The following UBAC2 variants were observed in gnomAD, a reference collection of about 807,000 sequenced individuals.
UBAC2 encodes the protein ubiquitin-associated domain-containing protein 2.
Under a neutral mutation model 44.0 loss-of-function variants are expected in UBAC2, and 26 were observed. The ratio of observed to expected loss-of-function variants is 0.59; its 90% CI spans 0.43 to 0.82. The LOEUF is 0.82. Ranked by LOEUF, UBAC2 falls within the 40% of genes least tolerant of loss-of-function variation. The probability of loss-of-function intolerance (pLI) is 0.00; values close to 1 mark genes in which losing one functional copy is unlikely to be tolerated. For missense variants in UBAC2, 329 were observed against 419.4 expected (o/e 0.78, Z 1.88); for synonymous variants, 155 against 154.3 (o/e 1.00, Z -0.04).
At chr13:99,247,872 T>C (rs1226683469) in intron 4 of UBAC2, among the ~76,000 whole-genome samples, 2 of 96,144 alleles carry the variant, frequency 2.1e-5, no homozygotes, top group Non-Finnish European at 5.9e-5. Flanking sequence ...TCTCTCTCTC[T>C]CTTTTTTTTT....
intron 5 of UBAC2, among the ~76,000 whole-genome samples, chr13:99,317,222 T>A (rs939013914): frequency 6.6e-6 from 1 of 152,244 alleles, no homozygotes; most frequent in South Asian, 2.1e-4. Context: ...GAACCTGGGC[T>A]GTCCTGCCTG....
At chr13:99,357,531 T>C (rs1360433312) in intron 7 of UBAC2, among the ~76,000 whole-genome samples, 2 of 152,296 alleles carry the variant, frequency 1.3e-5, no homozygotes, top group Non-Finnish European at 2.9e-5. Context: ...GGCAAATGAG[T>C]AAAACTAAGT....
At chr13:99,336,916 CCCACCTCTCTT>C (rs762593929) in intron 6 of UBAC2, among the ~76,000 whole-genome samples, 4 of 152,102 alleles carry the variant, frequency 2.6e-5, no homozygotes, top group Non-Finnish European at 5.9e-5. Flanking sequence ...CCCCTTCCTT[CCCACCTCTCTT>C]CCTCCTTCCC....
intron 4 of UBAC2, among the ~76,000 whole-genome samples, chr13:99,283,919 G>A (rs1406410784): frequency 6.6e-6 from 1 of 151,866 alleles, no homozygotes; most frequent in African/African-American, 2.4e-5. Flanking sequence ...ATTTTTAATA[G>A]AGACGGTGTT....
At chr13:99,226,888 A>G (rs1194852973) in intron 1 of UBAC2, among the ~76,000 whole-genome samples, 1 of 152,132 alleles carries the variant, frequency 6.6e-6, no homozygotes, top group Admixed American at 6.6e-5. Context: ...GGTTTTCCCT[A>G]ACCAGGTTGG....
intron 7 of UBAC2, among the ~76,000 whole-genome samples, chr13:99,345,741 C>CTTTTTTTTTTTTT (rs766632532): frequency 2.3e-5 from 3 of 130,932 alleles, no homozygotes; most frequent in African/African-American, 5.5e-5. Context: ...TTTTTTCTTT[C>CTTTTTTTTTTTTT]TTTTTTTTTT....
chr13:99,362,587 T>G (rs2045279745), intron 7 of UBAC2, among the ~76,000 whole-genome samples: 1 of 152,258 alleles, frequency 6.6e-6, no homozygotes, highest in Non-Finnish European at 1.5e-5. Context: ...TCATTTGCCT[T>G]TCCCTAACAC....
intron 7 of UBAC2, among the ~76,000 whole-genome samples, chr13:99,342,956 G>A (rs2044914811): frequency 6.6e-6 from 1 of 152,234 alleles, no homozygotes; most frequent in African/African-American, 2.4e-5. Context: ...CATGTCCTGA[G>A]CCAGCCTGTC....
At chr13:99,220,902 T>C (rs2043046003) in intron 1 of UBAC2, among the ~76,000 whole-genome samples, 1 of 152,124 alleles carries the variant, frequency 6.6e-6, no homozygotes, top group Non-Finnish European at 1.5e-5. Context: ...AATTAAGATC[T>C]CCCATGAACA....
intron 4 of UBAC2, among the ~76,000 whole-genome samples, chr13:99,312,015 C>T (rs1365099037): frequency 1.3e-5 from 2 of 152,260 alleles, no homozygotes; most frequent in Non-Finnish European, 2.9e-5. Context: ...ACAGTGCCTG[C>T]ACTTAGGCCT....
intron 4 of UBAC2, among the ~76,000 whole-genome samples, chr13:99,293,739 A>G (rs1022417040): frequency 1.3e-5 from 2 of 152,244 alleles, no homozygotes; most frequent in East Asian, 1.9e-4. Context: ...TGTTGAATCA[A>G]CCATTAAGAT....
intron 3 of UBAC2, 70 bp from the exon 4 acceptor site, chr13:99,244,445 T>A (rs1238432868): frequency 9.3e-7 from 1 of 1,073,142 alleles, no homozygotes; most frequent in African/African-American, 1.6e-5. Flanking sequence ...GAGCTGATTC[T>A]AGCTGAATAA....
At chr13:99,216,611 G>A (rs16956400) in intron 1 of UBAC2, among the ~76,000 whole-genome samples, 1,746 of 152,234 alleles carry the variant, frequency 0.011, 42 homozygotes, top group African/African-American at 0.04. Flanking sequence ...CAATTCTCCC[G>A]AAGATTGTTC....
At chr13:99,299,500 A>T (rs1361775252) in intron 4 of UBAC2, among the ~76,000 whole-genome samples, 1 of 152,142 alleles carries the variant, frequency 6.6e-6, no homozygotes, top group Non-Finnish European at 1.5e-5. Flanking sequence ...ATGCCAAAAC[A>T]TAATTTTGTA....
At chr13:99,321,151 AAG>A (rs1312692820) in intron 6 of UBAC2, among the ~76,000 whole-genome samples, 2 of 152,204 alleles carry the variant, frequency 1.3e-5, no homozygotes, top group African/African-American at 2.4e-5. Flanking sequence ...TTTTAAGAAA[AAG>A]AGTATTTTTT....
rs1468630656 is a variant in UBAC2, at chr13:99,295,984, G to A, written c.390-18113G>A. On this transcript the variant is annotated intron_variant, in intron 4 of 8. Coordinates refer to ENST00000403766, the MANE Select transcript of UBAC2 (RefSeq NM_001144072.2). The surrounding 1 kb of genome is among the most constrained non-coding windows in gnomAD (Gnocchi z 4.1). ...TTTTTTTCCTGTTTTGAACAATGAC[G>A]ACCAAGGCTAGTAAGTTTCCCACGA... The A allele has an allele frequency of 6.2e-6, 10 of 1,614,042 alleles. No individual in the cohort carries two copies. Among genetic ancestry groups the A allele is most frequent in the African/African-American group, 2.7e-5 (2 of 75,006 alleles).
intron 2 of UBAC2, among the ~76,000 whole-genome samples, chr13:99,242,175 C>CT (rs1397164170): frequency 3.3e-5 from 5 of 152,242 alleles, no homozygotes; most frequent in Admixed American, 2.0e-4. Context: ...ATTTCTCAAT[C>CT]TTTTCCCCAC....
At position 99,284,795 on chromosome 13, in the gene UBAC2, G is replaced by A. The variant is rs142149791; in HGVS notation, c.390-29302G>A. Reference sequence around the variant, plus strand: ...GGCATTTTTGAAGACTGTAAGCCAGGACTTACAGAAAACGATACATATTCT... The same window carrying A: ...GGCATTTTTGAAGACTGTAAGCCAGAACTTACAGAAAACGATACATATTCT... On this transcript the variant is annotated intron_variant, in intron 4 of 8. Transcript: ENST00000403766. 1.4e-4 allele frequency among the ~76,000 whole-genome samples: 21 copies of A among 152,288 alleles called. No homozygotes were observed. The East Asian group carries it at 4.0e-3, about 29-fold the overall frequency.
chr13:99,276,096 C>A (rs1047633563), intron 4 of UBAC2, among the ~76,000 whole-genome samples: 1 of 152,124 alleles, frequency 6.6e-6, no homozygotes, highest in African/African-American at 2.4e-5. Context: ...CAAGACCTTC[C>A]GTTTTTCTGC....
Sources: allele counts gnomAD v4.1 joint callset (sites outside exome capture counted in the v4.1 genomes callset), GRCh38; gene constraint gnomAD v4.1.1; non-coding constraint Gnocchi (gnomAD v3.1); transcripts MANE v1.5; gene names NCBI Gene and HGNC (gene_info 2026-07-23, HGNC 2026-07-21).